Variants in OSBPL11 observed in about 807,000 individuals in gnomAD.
OSBPL11 encodes oxysterol binding protein like 11.
A neutral mutation model predicts 84.4 loss-of-function variants in OSBPL11; 33 were observed. The observed-to-expected ratio is 0.39, with a 90% CI of 0.30 to 0.52. OSBPL11 has a LOEUF of 0.52. OSBPL11 is among the 20% of genes least tolerant of loss of function. The probability of loss-of-function intolerance (pLI) is 0.72; values close to 1 mark genes in which losing one functional copy is unlikely to be tolerated. For missense variants in OSBPL11, 736 were observed against 901.1 expected (o/e 0.82, Z 2.35); for synonymous variants, 276 against 310.2 (o/e 0.89, Z 1.16).
chr3:125,533,902 G>A (rs1471614373), intron 11 of OSBPL11, among the ~76,000 whole-genome samples: 1 of 152,124 alleles, frequency 6.6e-6, no homozygotes, highest in African/African-American at 2.4e-5. Context: ...GAAAAATACT[G>A]TCAACTCATT....
intron 1 of OSBPL11, among the ~76,000 whole-genome samples, chr3:125,591,406 A>T (rs1206597009): frequency 6.6e-6 from 1 of 152,208 alleles, no homozygotes; most frequent in East Asian, 1.9e-4. Flanking sequence ...CTCTCCAGGT[A>T]GCACTCTCTA....
chr3:125,562,256 T>A (rs1936089792), intron 7 of OSBPL11, among the ~76,000 whole-genome samples: 1 of 152,206 alleles, frequency 6.6e-6, no homozygotes, highest in Non-Finnish European at 1.5e-5. Context: ...ATGTTGTGAC[T>A]CCAAGCAGAT....
At chr3:125,577,754 G>A (rs772777175) in intron 4 of OSBPL11, among the ~76,000 whole-genome samples, 10 of 152,018 alleles carry the variant, frequency 6.6e-5, no homozygotes, top group African/African-American at 1.2e-4. Context: ...GCTTAAACTC[G>A]GGAGGCGGTG....
chr3:125,572,846 T>C (rs964618067), intron 5 of OSBPL11, among the ~76,000 whole-genome samples: 2 of 146,754 alleles, frequency 1.4e-5, no homozygotes, highest in Admixed American at 6.9e-5. Context: ...ATATATTTTA[T>C]TTATATATAT....
intron 5 of OSBPL11, among the ~76,000 whole-genome samples, chr3:125,571,351 C>T (rs986381392): frequency 4.6e-5 from 7 of 152,108 alleles, no homozygotes; most frequent in African/African-American, 1.2e-4. Flanking sequence ...AGCCTGATGA[C>T]ACAATAGAAA....
chr3:125,571,297 C>G (rs1936238537), intron 5 of OSBPL11, among the ~76,000 whole-genome samples: 1 of 152,156 alleles, frequency 6.6e-6, no homozygotes, highest in African/African-American at 2.4e-5. Context: ...TAAAGGCATT[C>G]ATTTTTATAA....
At chr3:125,545,878 C>A (rs1229752892) in intron 10 of OSBPL11, among the ~76,000 whole-genome samples, 1 of 152,060 alleles carries the variant, frequency 6.6e-6, no homozygotes. Context: ...TCTGTCCCAA[C>A]TGCAGAGAGC....
chr3:125,589,787 A>T (rs1477384377), intron 1 of OSBPL11, among the ~76,000 whole-genome samples: 3 of 152,212 alleles, frequency 2.0e-5, no homozygotes, highest in African/African-American at 7.2e-5. Context: ...AGAAACCACA[A>T]AATTATTGTG....
intron 2 of OSBPL11, among the ~76,000 whole-genome samples, chr3:125,582,132 C>T (rs985802851): frequency 1.9e-4 from 29 of 151,896 alleles, no homozygotes; most frequent in Admixed American, 3.3e-4. Flanking sequence ...GTCAGGAATT[C>T]GAGACCAGCC....
chr3:125,539,907 C>A (rs1311480671), intron 10 of OSBPL11, among the ~76,000 whole-genome samples: 1 of 152,040 alleles, frequency 6.6e-6, no homozygotes, highest in Non-Finnish European at 1.5e-5. Context: ...AAAAGGAAAT[C>A]CAAAAGACCA....
intron 11 of OSBPL11, 83 bp from the exon 12 acceptor site, chr3:125,532,097 A>C: frequency 7.3e-7 from 1 of 1,361,016 alleles, no homozygotes; most frequent in Non-Finnish European, 9.9e-7. Flanking sequence ...AATTACAATA[A>C]TTTTATAAAA....
chr3:125,536,476 C>G (rs1935641219), intron 11 of OSBPL11, among the ~76,000 whole-genome samples: 2 of 152,086 alleles, frequency 1.3e-5, no homozygotes, highest in East Asian at 3.9e-4. Flanking sequence ...AAATCACGTT[C>G]AATAATATAA....
At chr3:125,559,812 C>A (rs557806679) in intron 8 of OSBPL11, among the ~76,000 whole-genome samples, 2 of 151,820 alleles carry the variant, frequency 1.3e-5, no homozygotes, top group South Asian at 2.1e-4. Context: ...CTCGGCCTCC[C>A]GAGGAGAGTG....
At chr3:125,576,489 T>G in intron 4 of OSBPL11, 124 bp from the exon 5 acceptor site, 1 of 666,218 alleles carries the variant, frequency 1.5e-6, no homozygotes. Flanking sequence ...ACTTCAGAAT[T>G]GACTATGAGA....
chr3:125,593,612 T>C (rs555340454), intron 1 of OSBPL11, among the ~76,000 whole-genome samples: 3 of 149,982 alleles, frequency 2.0e-5, no homozygotes, highest in Non-Finnish European at 3.0e-5. Flanking sequence ...AGAGCCAGAC[T>C]CTGCCTCAAA....
chr3:125,590,084 A>G (rs1936574187), intron 1 of OSBPL11, among the ~76,000 whole-genome samples: 1 of 152,246 alleles, frequency 6.6e-6, no homozygotes, highest in South Asian at 2.1e-4. Context: ...TAATGAAAAC[A>G]TGCATATTTT....
In OSBPL11 at chr3:125,563,856, G is replaced by A. The variant is rs760519614; in HGVS notation, c.869-13C>T. 5.6e-6 allele frequency: 9 copies of A among 1,608,028 alleles called. No individual in the cohort carries two copies. Among genetic ancestry groups the A allele is most frequent in the Non-Finnish European group, 6.8e-6 (8 of 1,178,554 alleles). ...TCGATTGTCGTTCCTGATGGAGTAA[G>A]AGAAAACTTTCGCTGAAACTTGCTC... On this transcript the variant is annotated splice_polypyrimidine_tract_variant and intron_variant, in intron 6 of 12. Transcript: ENST00000296220.
chr3:125,552,481 T>C lies in OSBPL11; in HGVS notation c.1354A>G (p.Ile452Val). The change falls in exon 9 of 13, where the codon ATC becomes GTC. Residue 452 changes from isoleucine to valine, a missense_variant. By Grantham distance (29) the Ile-to-Val change is conservative. This residue lies in a region of OSBPL11 where 579 missense variants were observed against 717.6 expected (regional missense o/e 0.81). Coordinates refer to ENST00000296220, the MANE Select transcript of OSBPL11 (RefSeq NM_022776.5). ...GAACAGTGAAATGTTTCTCCAATGA[T>C]AGGATTGTATGGTTTTTTAGCAATG... ...GAIAKKPYNP[I>V]IGETFHCSWK... The C allele has an allele frequency of 6.2e-7, 1 of 1,614,200 alleles. No homozygotes were observed. The highest frequency in any genetic ancestry group is 8.5e-7 in the Non-Finnish European group (1 of 1,180,040).
intron 10 of OSBPL11, among the ~76,000 whole-genome samples, chr3:125,539,442 G>GTTATT (rs1483573833): frequency 6.6e-6 from 1 of 150,742 alleles, no homozygotes; most frequent in Non-Finnish European, 1.5e-5. Context: ...AGGTGTAATT[G>GTTATT]TTATTATTGT....
Sources: gnomAD v4.1 joint callset for allele counts (sites outside exome capture counted in the v4.1 genomes callset) on GRCh38, gnomAD v4.1.1 for gene constraint, gnomAD v4.1.1 regional missense constraint, MANE v1.5 for transcripts, NCBI Gene and HGNC (gene_info 2026-07-23, HGNC 2026-07-21) for gene names.